LARP1B: variants seen among roughly 807,000 people sequenced by gnomAD.
The protein encoded by LARP1B is La ribonucleoprotein 1B, also known as la-related protein 1B.
A neutral mutation model predicts 114.2 loss-of-function variants in LARP1B; 76 were observed. The ratio of observed to expected loss-of-function variants is 0.67; its 90% CI spans 0.55 to 0.81. The LOEUF (loss-of-function observed/expected upper bound fraction) is 0.81. Ranked by LOEUF, LARP1B falls within the 30% of genes least tolerant of loss-of-function variation. The probability of loss-of-function intolerance (pLI) is 0.00; values close to 1 mark genes in which losing one functional copy is unlikely to be tolerated. For synonymous variants in LARP1B, 345 were observed against 348.0 expected (o/e 0.99, Z 0.10); for missense variants, 1,014 against 1,075.8 (o/e 0.94, Z 0.80).
Position 128,065,293 on chromosome 4 carries a change from CTTTCTTTCTTTCTTTCTTTCTT to C in LARP1B, c.-78+3894_-78+3915del, listed in dbSNP as rs1453170255. Among the ~76,000 whole-genome samples, 141 of 136,230 alleles carry C rather than the reference CTTTCTTTCTTTCTTTCTTTCTT, an allele frequency of 1.0e-3. 2 individuals carry two copies. The highest frequency in any genetic ancestry group is 1.5e-3 in the African/African-American group (53 of 34,842). The allele number at this position is 136,230 out of a possible 152,430, so 89.4% of individuals were successfully genotyped here. A position where few individuals can be genotyped will look rare whatever the true frequency, so the allele number is the denominator to read the frequency against. ...TCTTTCTTTCTTTCTTTCTTTCTTTCTTTCTTTCTTTCTTTCTTTCTTTCTCTCTCTCTCTCTCTTTCCTTTC... is the reference window on the plus strand; with the variant it reads ...TCTTTCTTTCTTTCTTTCTTTCTTTCTCTCTCTCTCTCTCTCTTTCCTTTC... On this transcript the variant is annotated intron_variant, in intron 1 of 19. Coordinates refer to ENST00000326639, the MANE Select transcript of LARP1B (RefSeq NM_018078.4).
chr4:128,179,430 C>T lies in LARP1B; in HGVS notation c.1921C>T (p.His641Tyr), dbSNP rs772721386. The T allele has an allele frequency of 5.6e-6, 9 of 1,609,422 alleles. No homozygotes were observed. Among genetic ancestry groups the T allele is most frequent in the South Asian group, 2.2e-5 (2 of 89,962 alleles). The stretch of plus-strand genomic sequence containing the variant: ...GAGTCCAAGAAAGAGAAAAACAAGG[C>T]ATAGCACAAATCCCCCTCTAGAGTG... The part of the protein sequence containing the change: ...VKSPRKRKTR[H>Y]STNPPLECHV... Residue 641 changes from histidine to tyrosine, a missense_variant, in exon 15 of 20, where the codon CAT becomes TAT. Transcript: ENST00000326639.
At chr4:128,188,715 A>G (rs1016703468) in intron 15 of LARP1B, among the ~76,000 whole-genome samples, 1 of 152,136 alleles carries the variant, frequency 6.6e-6, no homozygotes, top group African/African-American at 2.4e-5. Context: ...CATTTGTTTG[A>G]AGACATTTTG....
At chr4:128,209,645 C>T (rs1340889092) in intron 19 of LARP1B, among the ~76,000 whole-genome samples, 1 of 150,462 alleles carries the variant, frequency 6.6e-6, no homozygotes, top group African/African-American at 2.4e-5. Context: ...ATGGCGTGAA[C>T]CCGGGAGGCG....
At position 128,082,239 on chromosome 4, in the gene LARP1B, A is replaced by C. The variant is rs762946280; in HGVS notation, c.292A>C (p.Asn98His). Residue 98 changes from asparagine (N) to histidine (H), a missense_variant, in exon 5 of 20, where the codon AAC becomes CAC. Transcript: ENST00000326639. ...GAGTCAAGAAAGACCTGGATCCCGG[A>C]ACAGCTCAAGATGTCAACCTGAAGC... is the stretch of plus-strand genomic sequence containing the variant. ...SESQERPGSR[N>H]SSRCQPEANK... is the part of the protein sequence containing the mutation. 1 of 1,613,534 alleles carries C rather than the reference A, an allele frequency of 6.2e-7. No homozygotes were observed. The highest frequency in any genetic ancestry group is 1.7e-5 in the Admixed American group (1 of 60,014).
chr4:128,196,522 A>G (rs967572239), intron 15 of LARP1B, among the ~76,000 whole-genome samples: 6 of 151,900 alleles, frequency 3.9e-5, no homozygotes, highest in African/African-American at 1.4e-4. Context: ...CTGTCTCAAA[A>G]AAATAAAAAG....
At chr4:128,101,695 G>T (rs906631283) in intron 8 of LARP1B, among the ~76,000 whole-genome samples, 1 of 151,830 alleles carries the variant, frequency 6.6e-6, no homozygotes, top group African/African-American at 2.4e-5. Context: ...GGCCAGGTTG[G>T]TCTCGAACTC....
At chr4:128,109,119 TC>T (rs2149817884) in intron 9 of LARP1B, among the ~76,000 whole-genome samples, 1 of 152,288 alleles carries the variant, frequency 6.6e-6, no homozygotes, top group East Asian at 1.9e-4. Context: ...GTAAATCACC[TC>T]TTTCCATGAA....
chr4:128,094,403 T>TC (rs1470092676), intron 7 of LARP1B, among the ~76,000 whole-genome samples: 1 of 147,744 alleles, frequency 6.8e-6, no homozygotes. Context: ...TCTTTTTCTT[T>TC]TTTTTTTTTT....
chr4:128,061,817 T>C (rs1488391166), intron 1 of LARP1B: 1 of 983,808 alleles, frequency 1.0e-6, no homozygotes, highest in Non-Finnish European at 1.2e-6. Flanking sequence ...CCCGCCCGAA[T>C]GTGAGGGCAA....
intron 12 of LARP1B, among the ~76,000 whole-genome samples, chr4:128,176,443 G>A (rs1746201183): frequency 6.6e-6 from 1 of 151,312 alleles, no homozygotes; most frequent in African/African-American, 2.4e-5. Context: ...ACAGGCGCCT[G>A]CTACCACGCC....
intron 11 of LARP1B, among the ~76,000 whole-genome samples, chr4:128,125,555 G>A (rs1789291321): frequency 6.6e-6 from 1 of 152,150 alleles, no homozygotes; most frequent in African/African-American, 2.4e-5. Flanking sequence ...AGACCATCTG[G>A]CCAACATGAT....
At chr4:128,130,986 A>G (rs1444264003) in intron 11 of LARP1B, among the ~76,000 whole-genome samples, 1 of 152,250 alleles carries the variant, frequency 6.6e-6, no homozygotes, top group East Asian at 1.9e-4. Context: ...GGGCAAAACT[A>G]TAGTAACAGT....
At position 128,107,325 on chromosome 4, in the gene LARP1B, T is replaced by C. The variant is rs1219345043; in HGVS notation, c.988+12T>C. On this transcript the variant is annotated intron_variant, in intron 9 of 19. Transcript: ENST00000326639. ...TTGCTCACATACAGGTAACATCTTT[T>C]CTTCTAGAGCAAACGATGTAACAGT... The C allele has an allele frequency of 6.2e-7, 1 of 1,613,760 alleles. No individual in the cohort carries two copies. Among genetic ancestry groups the C allele is most frequent in the East Asian group, 2.2e-5 (1 of 44,876 alleles).
intron 13 of LARP1B, 87 bp from the exon 14 acceptor site, chr4:128,178,344 G>A (rs1747137887): frequency 1.1e-6 from 1 of 922,028 alleles, no homozygotes; most frequent in African/African-American, 1.7e-5. Flanking sequence ...AATCCTTTGA[G>A]CTTAGAGAAT....
chr4:128,097,388 A>C (rs893415762), intron 7 of LARP1B, among the ~76,000 whole-genome samples: 3 of 151,532 alleles, frequency 2.0e-5, no homozygotes, highest in African/African-American at 7.3e-5. Context: ...GCTCACTGCA[A>C]TGTTTGCTGC....
chr4:128,166,745 G>T, intron 12 of LARP1B, among the ~76,000 whole-genome samples: 1 of 149,498 alleles, frequency 6.7e-6, no homozygotes. Flanking sequence ...TCCCACCCTT[G>T]GTAACTACTG....
At position 128,093,756 on chromosome 4, in the gene LARP1B, G is replaced by T. The variant is rs539445727; in HGVS notation, c.668+2244G>T. Among the ~76,000 whole-genome samples, 9 of 147,008 alleles carry T rather than the reference G, an allele frequency of 6.1e-5. No homozygotes were observed. The South Asian group carries it at 2.0e-3, about 32-fold the overall frequency. On this transcript the variant is annotated intron_variant, in intron 7 of 19. Coordinates refer to ENST00000326639, the MANE Select transcript of LARP1B (RefSeq NM_018078.4). ...ATGGAGTTTTGCTCTCGTTGTGCAG[G>T]CTGGAGTGCAATGGCACGATCTCGG...
intron 15 of LARP1B, among the ~76,000 whole-genome samples, chr4:128,185,760 C>G (rs1313765494): frequency 6.6e-6 from 1 of 152,138 alleles, no homozygotes; most frequent in Non-Finnish European, 1.5e-5. Flanking sequence ...ACATCTTTGC[C>G]TAGACCAATG....
chr4:128,098,768 T>TATATATATATATATATATGTA (rs58280279), intron 8 of LARP1B, among the ~76,000 whole-genome samples: 2 of 18,900 alleles, frequency 1.1e-4, no homozygotes, highest in African/African-American at 4.3e-4. Flanking sequence ...TATATATATA[T>TATATATATATATATATATGTA]TTTTTTTTTT....
Sources: gnomAD v4.1 joint callset for allele counts (sites outside exome capture counted in the v4.1 genomes callset) on GRCh38, gnomAD v4.1.1 for gene constraint, MANE v1.5 for transcripts, NCBI Gene and HGNC (gene_info 2026-07-23, HGNC 2026-07-21) for gene names.